KLF8: variants seen among roughly 807,000 people sequenced by gnomAD.
KLF8 encodes the protein Krueppel-like factor 8.
In KLF8, 10 loss-of-function variants were observed where a neutral mutation model predicts 18.2. The ratio of observed to expected loss-of-function variants is 0.55; its 90% CI spans 0.34 to 0.93. The LOEUF (loss-of-function observed/expected upper bound fraction) is 0.93. Ranked by LOEUF, KLF8 falls within the 40% of genes least tolerant of loss-of-function variation. The pLI is 0.02. For synonymous variants in KLF8, 109 were observed against 97.3 expected, an observed-to-expected ratio of 1.12 and a Z score of -0.71; for missense variants, 264 against 277.9, an observed-to-expected ratio of 0.95 and a Z score of 0.36.
At chrX:56,047,823 TC>T in the KLF8 span, among the ~76,000 whole-genome samples, 1 of 111,557 alleles carries the variant, frequency 9.0e-6, no homozygotes, top group African/African-American at 3.3e-5. Context: ...TAGTTCTAGA[TC>T]CCTGAGGAAT....
chrX:56,248,874 C>A (rs187831973), intron 1 of KLF8, among the ~76,000 whole-genome samples: 1 of 111,866 alleles, frequency 8.9e-6, no homozygotes, highest in African/African-American at 3.2e-5. Context: ...CTTTTCCACC[C>A]TTTTCCAATT....
chrX:56,248,478 T>G (rs917462517), intron 1 of KLF8, among the ~76,000 whole-genome samples: 4 of 111,893 alleles, frequency 3.6e-5, no homozygotes. Flanking sequence ...TAATATAGCC[T>G]CTCAGAATCA....
At chrX:55,917,237 A>T in the KLF8 span, among the ~76,000 whole-genome samples, 1 of 112,098 alleles carries the variant, frequency 8.9e-6, no homozygotes, top group African/African-American at 3.2e-5. Flanking sequence ...AAATGAAGCA[A>T]CTTCCTAGGA....
At chrX:56,180,260 T>C in the KLF8 span, among the ~76,000 whole-genome samples, 1 of 112,070 alleles carries the variant, frequency 8.9e-6, no homozygotes, top group Non-Finnish European at 1.9e-5. Flanking sequence ...CTTGTTTATT[T>C]GAGTAGAGAT....
the KLF8 span, among the ~76,000 whole-genome samples, chrX:55,990,061 A>AT: frequency 9.0e-6 from 1 of 110,916 alleles, no homozygotes; most frequent in African/African-American, 3.3e-5. Flanking sequence ...CCCCTTTATC[A>AT]TTTTTTATTG....
chrX:56,028,497 C>T, the KLF8 span, among the ~76,000 whole-genome samples: 1 of 111,404 alleles, frequency 9.0e-6, no homozygotes, highest in Non-Finnish European at 1.9e-5. Context: ...TCTTGGACAC[C>T]TTATATCCAC....
At chrX:56,150,218 G>A in the KLF8 span, among the ~76,000 whole-genome samples, 17 of 111,532 alleles carry the variant, frequency 1.5e-4, no homozygotes, top group Non-Finnish European at 3.0e-4. Context: ...GAAAGGAGAA[G>A]GAGATAGAGC....
the KLF8 span, among the ~76,000 whole-genome samples, chrX:56,053,200 A>G: frequency 8.9e-6 from 1 of 112,419 alleles, no homozygotes; most frequent in African/African-American, 3.2e-5. Flanking sequence ...CCGGTACCTC[A>G]GATGGAAATG....
the KLF8 span, among the ~76,000 whole-genome samples, chrX:56,177,786 C>G: frequency 1.8e-5 from 2 of 111,583 alleles, no homozygotes; most frequent in Non-Finnish European, 3.8e-5. Context: ...TTTACCTACT[C>G]AAGCCTCAGA....
At chrX:56,207,939 A>T in the KLF8 span, among the ~76,000 whole-genome samples, 1 of 111,187 alleles carries the variant, frequency 9.0e-6, no homozygotes, top group Non-Finnish European at 1.9e-5. Flanking sequence ...GAAGCCTCAC[A>T]ATCATGGCAG....
the KLF8 span, among the ~76,000 whole-genome samples, chrX:56,156,233 T>A: frequency 8.9e-6 from 1 of 112,398 alleles, no homozygotes. Flanking sequence ...CAATTTCTTT[T>A]TTGTTTGTTT....
chrX:55,951,680 C>G, the KLF8 span, among the ~76,000 whole-genome samples: 1 of 108,960 alleles, frequency 9.2e-6, no homozygotes, highest in Non-Finnish European at 1.9e-5. Flanking sequence ...GTGGACATAT[C>G]TTACGGCTTT....
At chrX:56,127,837 C>T in the KLF8 span, among the ~76,000 whole-genome samples, 1 of 111,538 alleles carries the variant, frequency 9.0e-6, no homozygotes, top group South Asian at 3.8e-4. Flanking sequence ...AATTGAGTAT[C>T]TACAAAGTGT....
chrX:56,213,305 TTTTCTTTTC>T, the KLF8 span, among the ~76,000 whole-genome samples: 23 of 48,579 alleles, frequency 4.7e-4, no homozygotes, highest in Admixed American at 5.6e-4. Context: ...TTTTCTTTTC[TTTTCTTTTC>T]TTTTTTTTTT....
chrX:56,053,845 G>A, the KLF8 span, among the ~76,000 whole-genome samples: 2 of 110,156 alleles, frequency 1.8e-5, no homozygotes, highest in Admixed American at 1.9e-4. Flanking sequence ...TAGGGTTTGT[G>A]GTAATATCCA....
At chrX:56,045,892 A>C in the KLF8 span, among the ~76,000 whole-genome samples, 1 of 111,669 alleles carries the variant, frequency 9.0e-6, no homozygotes, top group Non-Finnish European at 1.9e-5. Context: ...GTTGAATAGA[A>C]GTGGTGAAAG....
chrX:56,058,277 TACA>T, the KLF8 span, among the ~76,000 whole-genome samples: 36 of 33,114 alleles, frequency 1.1e-3, 1 homozygote, highest in African/African-American at 4.2e-3. Flanking sequence ...TACATATATA[TACA>T]TATATATATA....
the KLF8 span, among the ~76,000 whole-genome samples, chrX:55,965,817 G>C: frequency 8.9e-6 from 1 of 111,880 alleles, no homozygotes; most frequent in Non-Finnish European, 1.9e-5. Flanking sequence ...CCTAAGTGTA[G>C]AGATAACCAG....
chrX:56,164,750 AC>A, the KLF8 span, among the ~76,000 whole-genome samples: 5 of 27,457 alleles, frequency 1.8e-4, no homozygotes, highest in Admixed American at 3.8e-4. Flanking sequence ...TTTTTTTTTA[AC>A]TTTTTTTTTT....
Sources: gnomAD v4.1 joint callset for allele counts (sites outside exome capture counted in the v4.1 genomes callset) on GRCh38, gnomAD v4.1.1 for gene constraint, MANE v1.5 for transcripts, NCBI Gene and HGNC (gene_info 2026-07-23, HGNC 2026-07-21) for gene names.